The following TLK2 variants were observed in gnomAD, a reference collection of about 807,000 sequenced individuals.
The protein encoded by TLK2 is serine/threonine-protein kinase tousled-like 2.
Under a neutral mutation model 117.3 loss-of-function variants are expected in TLK2, and 6 were observed. That is an observed-to-expected ratio of 0.05 (90% confidence interval 0.03 to 0.10). The LOEUF is 0.10. Among genes scored for constraint, TLK2 ranks in the 10% least tolerant of loss-of-function variants. TLK2 has a pLI of 1.00. For synonymous variants in TLK2, 257 were observed against 316.7 expected (o/e 0.81, Z 2.00); for missense variants, 299 against 901.2 (o/e 0.33, Z 8.56).
At chr17:62,491,412 G>C (rs1485235247) in intron 2 of TLK2, among the ~76,000 whole-genome samples, 2 of 152,002 alleles carry the variant, frequency 1.3e-5, no homozygotes, top group Admixed American at 6.6e-5. Flanking sequence ...TTCATACCTG[G>C]GTCTAGGGAT....
At chr17:62,479,612 A>T (rs903394884) in intron 1 of TLK2, among the ~76,000 whole-genome samples, 2 of 151,932 alleles carry the variant, frequency 1.3e-5, no homozygotes, top group Non-Finnish European at 2.9e-5. Flanking sequence ...CCTCCGTGAC[A>T]GGTGGGCCTG....
intron 2 of TLK2, among the ~76,000 whole-genome samples, chr17:62,503,979 C>A (rs2074445552): frequency 6.6e-6 from 1 of 152,108 alleles, no homozygotes; most frequent in South Asian, 2.1e-4. Flanking sequence ...GGTGATCCAC[C>A]CGCCTTGACC....
At chr17:62,568,431 C>CAAAA (rs57725124) in intron 11 of TLK2, among the ~76,000 whole-genome samples, 1 of 57,366 alleles carries the variant, frequency 1.7e-5, no homozygotes, top group Non-Finnish European at 3.7e-5. Flanking sequence ...GACCCTGTCT[C>CAAAA]AAAAAAAAAA....
chr17:62,549,971 C>G (rs1178763076), intron 7 of TLK2: 1 of 151,912 alleles, frequency 6.6e-6, no homozygotes, highest in African/African-American at 2.4e-5. Context: ...CACCCAGCCT[C>G]AAATCATAAA....
chr17:62,508,459 T>C, intron 2 of TLK2: 1 of 978,232 alleles, frequency 1.0e-6, no homozygotes, highest in African/African-American at 1.8e-5. Context: ...AAGAAATAAA[T>C]ACATTGCAAA....
intron 12 of TLK2, among the ~76,000 whole-genome samples, chr17:62,573,579 G>C (rs528991881): frequency 6.6e-6 from 1 of 152,338 alleles, no homozygotes; most frequent in South Asian, 2.1e-4. Flanking sequence ...CATTTTGAAT[G>C]AGAGGGAAAA....
chr17:62,580,014 A>G, intron 14 of TLK2, 97 bp from the exon 15 acceptor site: 1 of 841,502 alleles, frequency 1.2e-6, no homozygotes, highest in Non-Finnish European at 1.9e-6. Flanking sequence ...AGCAGCTATA[A>G]TTATATGTAT....
chr17:62,607,902 A>G (rs890631050), intron 20 of TLK2, 139 bp from the exon 21 acceptor site: 8 of 670,322 alleles, frequency 1.2e-5, no homozygotes, highest in African/African-American at 9.1e-5. Flanking sequence ...TGAGAGAACT[A>G]GAGGGGATTG....
At chr17:62,498,634 A>C (rs2073927628) in intron 2 of TLK2, among the ~76,000 whole-genome samples, 1 of 151,942 alleles carries the variant, frequency 6.6e-6, no homozygotes, top group Admixed American at 6.6e-5. Flanking sequence ...CAGGTTATCC[A>C]CCTGCCTTGG....
At chr17:62,592,339 G>A (rs1477371492) in intron 16 of TLK2, among the ~76,000 whole-genome samples, 1 of 152,196 alleles carries the variant, frequency 6.6e-6, no homozygotes, top group African/African-American at 2.4e-5. Flanking sequence ...ATATGAATAT[G>A]TCAGACTATA....
Position 62,600,895 on chromosome 17 carries a change from T to A in TLK2, c.1720+75T>A, listed in dbSNP as rs1395301503. 4.3e-6 allele frequency: 6 copies of A among 1,401,766 alleles called. No homozygotes were observed. In the Admixed American group the frequency reaches 1.5e-4, roughly 34 times the overall value. The allele number at this position is 1,401,766 out of a possible 1,614,324, so 86.8% of individuals were successfully genotyped here. On this transcript the variant is annotated intron_variant, in intron 18 of 21. Coordinates refer to ENST00000346027, the MANE Select transcript of TLK2 (RefSeq NM_006852.6). ...TAAGTGACTTTTAATTTGATAAAGT[T>A]AGAGAATTTCACAGCAGCCAAGAAA...
chr17:62,567,567 A>G (rs1749135420), intron 11 of TLK2, among the ~76,000 whole-genome samples: 1 of 152,204 alleles, frequency 6.6e-6, no homozygotes, highest in Admixed American at 6.5e-5. Context: ...TTTTGCTTTA[A>G]TAAATTAATT....
chr17:62,536,136 C>T (rs1244647725), intron 6 of TLK2, 34 bp from the exon 7 acceptor site: 1 of 1,596,214 alleles, frequency 6.3e-7, no homozygotes, highest in South Asian at 1.1e-5. Context: ...TTATCTTTCT[C>T]ATGTCATTTG....
chr17:62,564,223 C>T (rs888111585), intron 10 of TLK2, among the ~76,000 whole-genome samples: 2 of 151,796 alleles, frequency 1.3e-5, no homozygotes, highest in Admixed American at 6.6e-5. Flanking sequence ...GCCAACATGG[C>T]GAAACCAGTC....
rs552332595 is a variant in TLK2, at chr17:62,513,413, C to T, written c.82-7360C>T. Among the ~76,000 whole-genome samples, 6 of 148,086 alleles carry T rather than the reference C, an allele frequency of 4.1e-5. No homozygotes were observed. The East Asian group carries it at 9.9e-4, about 24-fold the overall frequency. Reference sequence around the variant, plus strand: ...TCATAATTCACTGTAACCTTGCACTCGCACTCCTGAGCTCCCGCCTGAGCC... The same window carrying T: ...TCATAATTCACTGTAACCTTGCACTTGCACTCCTGAGCTCCCGCCTGAGCC... On this transcript the variant is annotated intron_variant, in intron 2 of 21. Transcript: ENST00000346027.
At chr17:62,499,811 A>G (rs567198203) in intron 2 of TLK2, among the ~76,000 whole-genome samples, 1 of 152,104 alleles carries the variant, frequency 6.6e-6, no homozygotes, top group Admixed American at 6.6e-5. Flanking sequence ...AGATCGTGCA[A>G]TTGCACTCTA....
intron 2 of TLK2, among the ~76,000 whole-genome samples, chr17:62,496,774 T>G (rs1347545236): frequency 6.6e-6 from 1 of 151,812 alleles, no homozygotes; most frequent in Admixed American, 6.6e-5. Context: ...GCTAACATAG[T>G]GAAACCCCGT....
chr17:62,526,687 T>C (rs1314118967), intron 6 of TLK2, among the ~76,000 whole-genome samples: 5 of 107,530 alleles, frequency 4.6e-5, no homozygotes, highest in Non-Finnish European at 9.3e-5. Context: ...TAATCTGCCT[T>C]GTCCTGGTAA....
chr17:62,605,947 T>A (rs1017560423), intron 19 of TLK2, 183 bp from the exon 20 acceptor site: 19 of 265,662 alleles, frequency 7.2e-5, no homozygotes, highest in African/African-American at 1.1e-4. Context: ...GTTGAGGCCG[T>A]AATGAGCCAT....
Sources: gnomAD v4.1 joint callset for allele counts (sites outside exome capture counted in the v4.1 genomes callset) on GRCh38, gnomAD v4.1.1 for gene constraint, MANE v1.5 for transcripts, NCBI Gene and HGNC (gene_info 2026-07-23, HGNC 2026-07-21) for gene names.